PPFIBP2: variants seen among roughly 807,000 people sequenced by gnomAD.
PPFIBP2 encodes the protein PPFIB scaffold protein 2.
Under a neutral mutation model 118.3 loss-of-function variants are expected in PPFIBP2, and 118 were observed. That is an observed-to-expected ratio of 1.00 (90% CI 0.86 to 1.16). PPFIBP2 has a LOEUF of 1.16. Among genes scored for constraint, PPFIBP2 ranks in the 50% most tolerant of loss-of-function variants. The probability of loss-of-function intolerance (pLI) is 0.00; values close to 1 mark genes in which losing one functional copy is unlikely to be tolerated. For synonymous variants in PPFIBP2, 414 were observed against 397.4 expected (o/e 1.04, Z -0.50); for missense variants, 1,195 against 1,073.1 (o/e 1.11, Z -1.59).
chr11:7,665,717 C>T, the PPFIBP2 span: 1 of 1,161,830 alleles, frequency 8.6e-7, no homozygotes, highest in Admixed American at 2.5e-5. Flanking sequence ...AGTAAACAGC[C>T]CTCTGCAGCA....
At chr11:7,606,632 G>C (rs1407044077) in intron 5 of PPFIBP2, among the ~76,000 whole-genome samples, 1 of 152,198 alleles carries the variant, frequency 6.6e-6, no homozygotes, top group Admixed American at 6.5e-5. Flanking sequence ...GTGAATGTCT[G>C]TTTGGAATGT....
intron 1 of PPFIBP2, among the ~76,000 whole-genome samples, chr11:7,523,118 C>T (rs1457877523): frequency 6.6e-6 from 1 of 152,128 alleles, no homozygotes; most frequent in Middle Eastern, 3.2e-3. Flanking sequence ...ATGAGGGCTA[C>T]AGCTGTCCGA....
At chr11:7,595,951 T>G (rs955762759) in intron 4 of PPFIBP2, among the ~76,000 whole-genome samples, 3 of 151,950 alleles carry the variant, frequency 2.0e-5, no homozygotes, top group Admixed American at 1.3e-4. Context: ...TAGCATCTAT[T>G]AGGGTCTCAA....
intron 7 of PPFIBP2, among the ~76,000 whole-genome samples, chr11:7,622,677 G>C (rs1219926321): frequency 6.6e-6 from 1 of 152,192 alleles, no homozygotes; most frequent in African/African-American, 2.4e-5. Context: ...AGCCTGGGCA[G>C]TCAGACCCAT....
At chr11:7,657,379 T>TC (rs1333658958), downstream of PPFIBP2, among the ~76,000 whole-genome samples, 1 of 152,054 alleles carries the variant, frequency 6.6e-6, no homozygotes, top group African/African-American at 2.4e-5. Context: ...TGACTCTATC[T>TC]CCCGTCATCT....
intron 8 of PPFIBP2, among the ~76,000 whole-genome samples, chr11:7,627,010 G>T (rs1850106595): frequency 1.3e-5 from 2 of 152,206 alleles, no homozygotes; most frequent in Non-Finnish European, 2.9e-5. Flanking sequence ...GTAGAGGCTG[G>T]GTTCTACTAA....
chr11:7,527,628 A>G (rs187049823), intron 1 of PPFIBP2, among the ~76,000 whole-genome samples: 1 of 152,290 alleles, frequency 6.6e-6, no homozygotes, highest in East Asian at 1.9e-4. Context: ...CTGAGAAAAT[A>G]CAGTTAATAT....
chr11:7,562,928 T>TC (rs1314176954), intron 2 of PPFIBP2, among the ~76,000 whole-genome samples: 1 of 80,672 alleles, frequency 1.2e-5, no homozygotes, highest in African/African-American at 4.6e-5. Context: ...AAATTAAAGT[T>TC]TTATATATAT....
intron 3 of PPFIBP2, among the ~76,000 whole-genome samples, chr11:7,577,947 A>T (rs1856693852): frequency 6.6e-6 from 1 of 152,188 alleles, no homozygotes; most frequent in Non-Finnish European, 1.5e-5. Flanking sequence ...CCGTGACCAG[A>T]AGAATGTGCC....
intron 17 of PPFIBP2, among the ~76,000 whole-genome samples, chr11:7,647,410 A>G (rs1853261308): frequency 6.6e-6 from 1 of 152,148 alleles, no homozygotes; most frequent in Admixed American, 6.5e-5. Context: ...AACATAATCT[A>G]GCTTTTCATT....
intron 2 of PPFIBP2, among the ~76,000 whole-genome samples, chr11:7,562,970 TATATATAC>T (rs1854508029): frequency 1.0e-5 from 1 of 98,868 alleles, no homozygotes; most frequent in African/African-American, 3.8e-5. Context: ...TATATATATA[TATATATAC>T]ACGCACACAC....
At chr11:7,629,608 T>G (rs1387971443) in intron 10 of PPFIBP2, 74 bp downstream of exon 10, 1 of 1,422,858 alleles carries the variant, frequency 7.0e-7, no homozygotes, top group Non-Finnish European at 9.9e-7. Context: ...GGGGCAGTTC[T>G]GCTAGCAGCT....
At chr11:7,565,883 C>T in intron 3 of PPFIBP2, 116 bp downstream of exon 3, 1 of 1,195,730 alleles carries the variant, frequency 8.4e-7, no homozygotes. Flanking sequence ...GCCTTTTCTT[C>T]CATCCCACTT....
chr11:7,622,850 C>T (rs368048228), intron 7 of PPFIBP2, among the ~76,000 whole-genome samples: 2 of 152,308 alleles, frequency 1.3e-5, no homozygotes, highest in African/African-American at 4.8e-5. Context: ...TTGTACATAC[C>T]GCCCTCTGTC....
intron 6 of PPFIBP2, among the ~76,000 whole-genome samples, chr11:7,619,788 A>G (rs1207177130): frequency 6.6e-6 from 1 of 152,258 alleles, no homozygotes; most frequent in Non-Finnish European, 1.5e-5. Flanking sequence ...GCCGTTAGAT[A>G]GATGGATATG....
At chr11:7,605,965 A>G (rs1847288450) in intron 5 of PPFIBP2, 1 of 1,534,746 alleles carries the variant, frequency 6.5e-7, no homozygotes, top group South Asian at 1.2e-5. Context: ...CTGAATGGGA[A>G]AGTTAATAAC....
chr11:7,579,983 C>T (rs1033784110), intron 3 of PPFIBP2, among the ~76,000 whole-genome samples: 17 of 152,010 alleles, frequency 1.1e-4, no homozygotes, highest in Non-Finnish European at 2.5e-4. Context: ...AATTCCCTTT[C>T]GTCCTGTGAC....
At chr11:7,664,864 T>C in the PPFIBP2 span, among the ~76,000 whole-genome samples, 142 of 135,412 alleles carry the variant, frequency 1.0e-3, no homozygotes, top group African/African-American at 3.8e-3. Context: ...TTTAAGGCAG[T>C]TTCTGGAACC....
At chr11:7,566,039 T>TCA (rs10617506) in intron 3 of PPFIBP2, among the ~76,000 whole-genome samples, 480 of 146,508 alleles carry the variant, frequency 3.3e-3, no homozygotes, top group African/African-American at 8.9e-3. Flanking sequence ...ATTTAAGATT[T>TCA]CACACACACA....
Sources: gnomAD v4.1 joint callset for allele counts (sites outside exome capture counted in the v4.1 genomes callset) on GRCh38, gnomAD v4.1.1 for gene constraint, MANE v1.5 for transcripts, NCBI Gene and HGNC (gene_info 2026-07-23, HGNC 2026-07-21) for gene names.